TRPM3: variants seen among roughly 807,000 people sequenced by gnomAD.
The protein encoded by TRPM3 is long transient receptor potential channel 3.
Under a neutral mutation model 181.2 loss-of-function variants are expected in TRPM3, and 77 were observed. The ratio of observed to expected loss-of-function variants is 0.42; its 90% CI spans 0.35 to 0.51. The LOEUF is 0.51. TRPM3 is among the 20% of genes least tolerant of loss of function. The pLI is 0.01. For missense variants in TRPM3, 1,759 were observed against 2,196.7 expected (o/e 0.80, Z 3.98); for synonymous variants, 745 against 796.4 (o/e 0.94, Z 1.09).
chr9:71,410,161 G>C (rs2093517482), intron 1 of TRPM3, among the ~76,000 whole-genome samples: 1 of 152,226 alleles, frequency 6.6e-6, no homozygotes, highest in East Asian at 1.9e-4. Flanking sequence ...AAGCAGGAAA[G>C]ATCTAAAATT....
intron 1 of TRPM3, among the ~76,000 whole-genome samples, chr9:71,151,637 G>A (rs1309778190): frequency 1.3e-5 from 2 of 151,958 alleles, no homozygotes; most frequent in Non-Finnish European, 2.9e-5. Flanking sequence ...CCATTAGTTC[G>A]ATGACACGTG....
At chr9:71,347,011 T>C (rs1025365786) in intron 1 of TRPM3, among the ~76,000 whole-genome samples, 3 of 152,240 alleles carry the variant, frequency 2.0e-5, no homozygotes, top group Non-Finnish European at 4.4e-5. Context: ...ATCTGGTTAT[T>C]AAACAAATCC....
intron 1 of TRPM3, among the ~76,000 whole-genome samples, chr9:71,131,248 A>C (rs1301533786): frequency 6.6e-6 from 1 of 152,176 alleles, no homozygotes; most frequent in African/African-American, 2.4e-5. Context: ...CCAGCTCTTC[A>C]TGAGATTAGC....
intron 1 of TRPM3, among the ~76,000 whole-genome samples, chr9:71,001,043 AC>A (rs570584476): frequency 1.4e-4 from 22 of 152,370 alleles, no homozygotes; most frequent in Admixed American, 9.1e-4. Flanking sequence ...ATTCCTCAGT[AC>A]TAACGAATTG....
intron 1 of TRPM3, among the ~76,000 whole-genome samples, chr9:70,890,908 C>T (rs1309376098): frequency 6.6e-6 from 1 of 151,894 alleles, no homozygotes. Flanking sequence ...GGAACAGCCA[C>T]TCAAGGCTGG....
chr9:70,995,970 T>G (rs2097538024), intron 1 of TRPM3, among the ~76,000 whole-genome samples: 1 of 152,204 alleles, frequency 6.6e-6, no homozygotes, highest in Non-Finnish European at 1.5e-5. Flanking sequence ...CTCTTTATAC[T>G]GTAATGTGGA....
intron 1 of TRPM3, among the ~76,000 whole-genome samples, chr9:70,958,328 A>C (rs1248001879): frequency 1.7e-5 from 2 of 117,282 alleles, no homozygotes; most frequent in East Asian, 4.0e-4. Flanking sequence ...TAATAATACT[A>C]TGCTCACAGT....
chr9:71,223,685 G>T (rs1342689026), intron 1 of TRPM3, among the ~76,000 whole-genome samples: 1 of 152,170 alleles, frequency 6.6e-6, no homozygotes, highest in Non-Finnish European at 1.5e-5. Flanking sequence ...TCCCTGAAAG[G>T]TGAGTCCCTG....
intron 1 of TRPM3, among the ~76,000 whole-genome samples, chr9:71,078,175 A>G (rs1172928067): frequency 6.6e-6 from 1 of 152,162 alleles, no homozygotes; most frequent in Non-Finnish European, 1.5e-5. Flanking sequence ...AACATCTAGA[A>G]ACCATCCTCT....
At chr9:70,688,172 C>T (rs556558181) in intron 8 of TRPM3, among the ~76,000 whole-genome samples, 1 of 152,276 alleles carries the variant, frequency 6.6e-6, no homozygotes, top group South Asian at 2.1e-4. Flanking sequence ...AGGCCATCTT[C>T]CATGCCTGAT....
At chr9:70,887,611 A>C (rs1050243755) in intron 1 of TRPM3, among the ~76,000 whole-genome samples, 1 of 152,124 alleles carries the variant, frequency 6.6e-6, no homozygotes, top group Non-Finnish European at 1.5e-5. Flanking sequence ...AGGCAACCAT[A>C]TGTTTCTTAT....
intron 22 of TRPM3, among the ~76,000 whole-genome samples, chr9:70,571,321 C>A (rs2052274206): frequency 1.3e-5 from 2 of 152,094 alleles, no homozygotes; most frequent in African/African-American, 4.8e-5. Flanking sequence ...ATTACAGCTA[C>A]CTTAAGAGTG....
At chr9:71,345,644 T>C (rs545595805) in intron 1 of TRPM3, among the ~76,000 whole-genome samples, 2 of 152,008 alleles carry the variant, frequency 1.3e-5, no homozygotes, top group South Asian at 2.1e-4. Context: ...ATGTAGATGA[T>C]GGGTTGATGG....
intron 1 of TRPM3, among the ~76,000 whole-genome samples, chr9:70,947,933 G>A (rs1450500931): frequency 6.6e-6 from 1 of 152,090 alleles, no homozygotes; most frequent in Non-Finnish European, 1.5e-5. Context: ...AAACTAAGTA[G>A]GGGAAAGTTA....
chr9:71,101,165 G>A (rs1367752796), intron 1 of TRPM3, among the ~76,000 whole-genome samples: 2 of 152,056 alleles, frequency 1.3e-5, no homozygotes, highest in Non-Finnish European at 1.5e-5. Context: ...CATTCATTCA[G>A]GAAACAAATG....
At chr9:70,925,303 T>C (rs1564775864) in intron 1 of TRPM3, among the ~76,000 whole-genome samples, 1 of 152,178 alleles carries the variant, frequency 6.6e-6, no homozygotes, top group Non-Finnish European at 1.5e-5. Context: ...ATGGAAACAA[T>C]GTGTGTTCGA....
At chr9:71,195,397 A>T (rs1161569236) in intron 1 of TRPM3, among the ~76,000 whole-genome samples, 1 of 152,052 alleles carries the variant, frequency 6.6e-6, no homozygotes, top group Non-Finnish European at 1.5e-5. Context: ...GCAAAGCTCA[A>T]TATCACTGTA....
intron 1 of TRPM3, among the ~76,000 whole-genome samples, chr9:71,274,417 AC>A (rs1458958521): frequency 6.6e-6 from 1 of 152,186 alleles, no homozygotes; most frequent in Non-Finnish European, 1.5e-5. Flanking sequence ...CATAATTTAC[AC>A]ATACCTATTA....
intron 1 of TRPM3, among the ~76,000 whole-genome samples, chr9:70,910,270 T>C (rs1164852828): frequency 1.3e-5 from 2 of 152,118 alleles, no homozygotes; most frequent in Non-Finnish European, 2.9e-5. Context: ...ATCAACATAA[T>C]GTTAAGCAAA....
Sources: gnomAD v4.1 joint callset for allele counts (sites outside exome capture counted in the v4.1 genomes callset) on GRCh38, gnomAD v4.1.1 for gene constraint, MANE v1.5 for transcripts, NCBI Gene and HGNC (gene_info 2026-07-23, HGNC 2026-07-21) for gene names.